MKNK1: variants seen among roughly 807,000 people sequenced by gnomAD.
MKNK1 encodes MAPK interacting serine/threonine kinase 1, also known as MAP kinase-interacting serine/threonine-protein kinase 1.
MKNK1 carries 30 observed loss-of-function variants against 49.3 expected under a neutral mutation model. That is an observed-to-expected ratio of 0.61 (90% CI 0.46 to 0.83). The LOEUF (loss-of-function observed/expected upper bound fraction) is 0.83, where lower values mean the gene tolerates loss of function less well. MKNK1 is among the 40% of genes least tolerant of loss of function. MKNK1 has a pLI of 0.00. For missense variants in MKNK1, 423 were observed against 524.7 expected, an observed-to-expected ratio of 0.81 and a Z score of 1.89; for synonymous variants, 176 against 201.7, an observed-to-expected ratio of 0.87 and a Z score of 1.08.
At chr1:46,599,097 C>T (rs1674422496) in intron 1 of MKNK1, among the ~76,000 whole-genome samples, 3 of 152,200 alleles carry the variant, frequency 2.0e-5, no homozygotes, top group Non-Finnish European at 2.9e-5. Context: ...TATGGCTTCC[C>T]CAGATCAGCT....
At chr1:46,595,017 GCT>G (rs1392109716) in intron 1 of MKNK1, 2 of 190,622 alleles carry the variant, frequency 1.0e-5, no homozygotes, top group Non-Finnish European at 2.3e-5. Context: ...AATGAGCTGG[GCT>G]CTCTCTCTTA....
intron 2 of MKNK1, among the ~76,000 whole-genome samples, chr1:46,583,718 G>A (rs1326287632): frequency 1.3e-5 from 2 of 152,152 alleles, no homozygotes; most frequent in East Asian, 1.9e-4. Flanking sequence ...AGGCAAAACC[G>A]AGAGAGCTAG....
Position 46,566,355 on chromosome 1 carries a change from T to C in MKNK1, c.514-1219A>G, listed in dbSNP as rs1669063568. Among the ~76,000 whole-genome samples the C allele has an allele frequency of 2.0e-5, 3 of 152,272 alleles. No homozygotes were observed. The South Asian group carries it at 6.2e-4, about 31-fold the overall frequency. The stretch of plus-strand genomic sequence containing the variant: ...CTCATTCCATTTTATGGCTGACTAG[T>C]ATTCCATTGAATGTATGTACCACAT... On this transcript the variant is annotated intron_variant, in intron 8 of 12. Transcript: ENST00000371945.
chr1:46,573,989 T>C (rs61783115), intron 6 of MKNK1: 2,990 of 152,282 alleles, frequency 0.02, 42 homozygotes, highest in South Asian at 0.045. Context: ...CACCTTGGCA[T>C]CCCAAAGTGC....
chr1:46,591,363 C>T (rs888556827), intron 2 of MKNK1, among the ~76,000 whole-genome samples: 12 of 152,102 alleles, frequency 7.9e-5, no homozygotes, highest in African/African-American at 2.9e-4. Flanking sequence ...AAGGATCCCC[C>T]ACAGGCCTCA....
rs914727783 is a variant in MKNK1 at position 46,561,899 on chromosome 1, T to C, written c.805-257A>G. On this transcript the variant is annotated intron_variant, in intron 10 of 12. Coordinates refer to ENST00000371945, the MANE Select transcript of MKNK1 (RefSeq NM_001135553.4). ...ATGGGTGATGAGTGGAGATCACCCA[T>C]AGAACAAAGCCCAAATTCCTTGGCT... Among the ~76,000 whole-genome samples the C allele has an allele frequency of 1.4e-4, 21 of 152,294 alleles. 1 individual carries two copies. Among genetic ancestry groups the C allele is most frequent in the Admixed American group, 4.6e-4 (7 of 15,308 alleles).
Position 46,563,258 on chromosome 1 carries a change from C to T in MKNK1, c.610-415G>A, listed in dbSNP as rs140335752. ...TTAAAGTGAATCCTGTCGTGCTCCCCTGCTAGCTCAGAGCAGGAAGTGTAA... is the reference window on the plus strand; with the variant it reads ...TTAAAGTGAATCCTGTCGTGCTCCCTTGCTAGCTCAGAGCAGGAAGTGTAA... On this transcript the variant is annotated intron_variant, in intron 9 of 12. Coordinates refer to ENST00000371945, the MANE Select transcript of MKNK1 (RefSeq NM_001135553.4). 5.3e-3 allele frequency among the ~76,000 whole-genome samples: 806 copies of T among 152,324 alleles called. 10 individuals are homozygous for T. The highest frequency in any genetic ancestry group is 0.032 in the South Asian group (155 of 4,812).
At chr1:46,586,051 CGA>C in intron 2 of MKNK1, 1 of 614,498 alleles carries the variant, frequency 1.6e-6, no homozygotes, top group Non-Finnish European at 2.7e-6. Flanking sequence ...CAGGGGGAAG[CGA>C]GAGGTGTCAT....
intron 12 of MKNK1, 104 bp from the exon 13 acceptor site, chr1:46,558,904 C>A: frequency 1.1e-6 from 1 of 942,634 alleles, no homozygotes; most frequent in South Asian, 1.6e-5. Flanking sequence ...ACGCTCCCAC[C>A]AGATTTCCCA....
rs1255675900 is a variant in MKNK1 at position 46,572,160 on chromosome 1, G to T, written c.360C>A (p.Ile120=). 6.2e-7 allele frequency: 1 copy of T among 1,613,992 alleles called. No individual in the cohort carries two copies. Among genetic ancestry groups the T allele is most frequent in the Non-Finnish European group, 8.5e-7 (1 of 1,179,898 alleles). The stretch of plus-strand genomic sequence containing the variant: ...GCTTTTGCTTCTGGATGTGGGCTAA[G>T]ATGGAACCTGGGGAGCAGAGGGGAC... The part of the protein sequence containing the change: ...LVFEKLQGGS[I]LAHIQKQKHF... The change falls in exon 7 of 13, where the codon ATC becomes ATA. Residue 120 remains isoleucine (I), a synonymous_variant. Coordinates refer to ENST00000371945, the MANE Select transcript of MKNK1 (RefSeq NM_001135553.4).
Position 46,562,810 on chromosome 1 carries a change from C to T in MKNK1, c.643G>A (p.Val215Met), listed in dbSNP as rs777262777. 1 of 1,612,972 alleles carries T rather than the reference C, an allele frequency of 6.2e-7. No individual in the cohort carries two copies. ...GSAEYMAPEV[V>M]EVFTDQATFY... ...GTGGCCTGGTCCGTGAAGACCTCCA[C>T]TACCTCAGGGGCCATGTATTCTGCA... The change falls in exon 10 of 13, where the codon GTG becomes ATG. Residue 215 changes from valine (V) to methionine (M), a missense_variant. Coordinates refer to ENST00000371945, the MANE Select transcript of MKNK1 (RefSeq NM_001135553.4).
chr1:46,591,370 C>A (rs970593117), intron 2 of MKNK1, among the ~76,000 whole-genome samples: 37 of 152,124 alleles, frequency 2.4e-4, no homozygotes, highest in African/African-American at 8.9e-4. Flanking sequence ...CCCCACAGGC[C>A]TCAGACAGGA....
chr1:46,592,487 G>A (rs745414412), intron 2 of MKNK1, among the ~76,000 whole-genome samples: 12 of 152,224 alleles, frequency 7.9e-5, no homozygotes, highest in Non-Finnish European at 1.6e-4. Flanking sequence ...TGATGGGGAG[G>A]GACTGGGTGT....
intron 1 of MKNK1, among the ~76,000 whole-genome samples, chr1:46,598,526 C>T (rs1053401668): frequency 6.6e-6 from 1 of 152,120 alleles, no homozygotes; most frequent in African/African-American, 2.4e-5. Flanking sequence ...AAAACAGTAC[C>T]AAACTGGGCA....
chr1:46,564,405 G>C (rs1311183027), intron 9 of MKNK1, among the ~76,000 whole-genome samples: 2 of 151,168 alleles, frequency 1.3e-5, no homozygotes, highest in Non-Finnish European at 2.9e-5. Context: ...GGGCTGGCCT[G>C]GGAGTAGGGT....
At chr1:46,602,176 C>A (rs145593435) in intron 1 of MKNK1, among the ~76,000 whole-genome samples, 1,674 of 152,290 alleles carry the variant, frequency 0.011, 17 homozygotes, top group Non-Finnish European at 0.019. Flanking sequence ...CTTTGGGAGG[C>A]CCAGGCAGGC....
intron 8 of MKNK1, among the ~76,000 whole-genome samples, chr1:46,566,794 A>C (rs1669146206): frequency 6.6e-6 from 1 of 152,152 alleles, no homozygotes; most frequent in Admixed American, 6.5e-5. Flanking sequence ...ATTTGGAGAA[A>C]TGTCTGTTCA....
chr1:46,576,539 C>A (rs779726860), intron 5 of MKNK1, 36 bp downstream of exon 5: 1 of 1,557,400 alleles, frequency 6.4e-7, no homozygotes, highest in Admixed American at 1.7e-5. Flanking sequence ...GCCAAGCGTC[C>A]CCCCAGAGAA....
intron 9 of MKNK1, 103 bp from the exon 10 acceptor site, chr1:46,562,946 G>A: frequency 9.8e-7 from 1 of 1,018,226 alleles, no homozygotes; most frequent in Non-Finnish European, 1.4e-6. Flanking sequence ...GACTGGAGCA[G>A]GAGGCTGGAA....
Sources: gnomAD v4.1 joint callset for allele counts (sites outside exome capture counted in the v4.1 genomes callset) on GRCh38, gnomAD v4.1.1 for gene constraint, MANE v1.5 for transcripts, NCBI Gene and HGNC (gene_info 2026-07-23, HGNC 2026-07-21) for gene names.